The following CSNK1G1 variants were observed in gnomAD, a reference collection of about 807,000 sequenced individuals.
The protein encoded by CSNK1G1 is casein kinase 1 gamma 1, also known as casein kinase I isoform gamma-1.
Under a neutral mutation model 59.6 loss-of-function variants are expected in CSNK1G1, and 22 were observed. That is an observed-to-expected ratio of 0.37 (90% CI 0.26 to 0.53). The LOEUF is 0.53. Ranked by LOEUF, CSNK1G1 falls within the 20% of genes least tolerant of loss-of-function variation. The pLI is 0.89. For missense variants in CSNK1G1, 384 were observed against 519.5 expected (o/e 0.74, Z 2.54); for synonymous variants, 179 against 177.1 (o/e 1.01, Z -0.08).
At chr15:64,309,309 AACACACACACACACACACACACACAC>A (rs66467610) in intron 1 of CSNK1G1, among the ~76,000 whole-genome samples, 2 of 146,498 alleles carry the variant, frequency 1.4e-5, no homozygotes, top group South Asian at 2.2e-4. Flanking sequence ...TAGTGAATAA[AACACACACACACACACACACACACAC>A]ACACACACAC....
At chr15:64,238,224 G>C (rs969212184) in intron 4 of CSNK1G1, among the ~76,000 whole-genome samples, 1 of 151,782 alleles carries the variant, frequency 6.6e-6, no homozygotes, top group African/African-American at 2.4e-5. Context: ...ATAATGTGTG[G>C]ATGGCTCTAG....
intron 11 of CSNK1G1, among the ~76,000 whole-genome samples, chr15:64,178,788 T>TTGTG (rs142872852): frequency 2.7e-5 from 4 of 149,910 alleles, no homozygotes; most frequent in African/African-American, 9.8e-5. Flanking sequence ...CCAAAAACTT[T>TTGTG]TGTGTGTGTG....
intron 4 of CSNK1G1, among the ~76,000 whole-genome samples, chr15:64,230,960 C>A (rs147708244): frequency 3.3e-5 from 5 of 151,386 alleles, no homozygotes; most frequent in Non-Finnish European, 7.4e-5. Context: ...GGTGACAGAG[C>A]GAGAATCCGT....
intron 2 of CSNK1G1, among the ~76,000 whole-genome samples, chr15:64,293,766 T>C (rs1894866504): frequency 6.6e-6 from 1 of 151,872 alleles, no homozygotes; most frequent in South Asian, 2.1e-4. Context: ...CTCACAGGAG[T>C]GCAAACCCTA....
chr15:64,187,567 A>G (rs1454077034), intron 10 of CSNK1G1, among the ~76,000 whole-genome samples: 1 of 152,178 alleles, frequency 6.6e-6, no homozygotes, highest in Non-Finnish European at 1.5e-5. Context: ...TCAAGCTGTG[A>G]TTAAGATCTT....
chr15:64,309,309 A>AACACAC lies in CSNK1G1; in HGVS notation c.-224-8592_-224-8587dup, dbSNP rs66467610. 2.7e-3 allele frequency among the ~76,000 whole-genome samples: 390 copies of AACACAC among 146,486 alleles called. 4 individuals are homozygous for AACACAC. Among genetic ancestry groups the AACACAC allele is most frequent in the African/African-American group, 8.5e-3 (336 of 39,432 alleles). ...AAGTTCTCAAATACTTAGTGAATAA[A>AACACAC]ACACACACACACACACACACACACA... is the stretch of plus-strand genomic sequence containing the variant. On this transcript the variant is annotated intron_variant, in intron 1 of 11. Transcript: ENST00000303052.
intron 1 of CSNK1G1, among the ~76,000 whole-genome samples, chr15:64,346,499 C>T (rs1013313681): frequency 4.7e-5 from 7 of 150,126 alleles, no homozygotes; most frequent in East Asian, 2.0e-4. Flanking sequence ...CTCTTGTTGC[C>T]CAGACAGGAG....
chr15:64,254,214 C>T (rs553593227), intron 3 of CSNK1G1, among the ~76,000 whole-genome samples: 1 of 151,276 alleles, frequency 6.6e-6, no homozygotes, highest in Admixed American at 6.6e-5. Context: ...ATGGTGGTTG[C>T]CAAGGGGTTG....
intron 1 of CSNK1G1, among the ~76,000 whole-genome samples, chr15:64,327,222 G>A (rs544623540): frequency 3.3e-5 from 5 of 152,160 alleles, no homozygotes; most frequent in African/African-American, 7.2e-5. Flanking sequence ...CTGGGGGCAC[G>A]GCACAGACAA....
intron 1 of CSNK1G1, among the ~76,000 whole-genome samples, chr15:64,352,444 C>CTTTTTT (rs1566958692): frequency 1.3e-5 from 1 of 79,922 alleles, no homozygotes; most frequent in African/African-American, 4.2e-5. Context: ...AATTTGAATT[C>CTTTTTT]TTCTTTTTTT....
chr15:64,279,788 A>G (rs1384542959), intron 2 of CSNK1G1, among the ~76,000 whole-genome samples: 1 of 152,092 alleles, frequency 6.6e-6, no homozygotes, highest in Non-Finnish European at 1.5e-5. Context: ...CCTGGCCAAC[A>G]TAGTGAAATC....
intron 4 of CSNK1G1, among the ~76,000 whole-genome samples, chr15:64,234,648 G>A (rs1049143036): frequency 1.3e-5 from 2 of 152,180 alleles, no homozygotes; most frequent in Admixed American, 6.5e-5. Context: ...ATGTCTCAAG[G>A]CAAAATGGCT....
chr15:64,236,557 T>G (rs1344924793), intron 4 of CSNK1G1, among the ~76,000 whole-genome samples: 1 of 152,206 alleles, frequency 6.6e-6, no homozygotes, highest in Non-Finnish European at 1.5e-5. Flanking sequence ...ACATTAGTAC[T>G]CATTAAAGAA....
At chr15:64,242,518 G>T (rs1566916163) in intron 4 of CSNK1G1, among the ~76,000 whole-genome samples, 1 of 152,076 alleles carries the variant, frequency 6.6e-6, no homozygotes, top group Admixed American at 6.6e-5. Flanking sequence ...CAGATGCCTG[G>T]TGCCACACTT....
At chr15:64,305,582 G>T (rs981288327) in intron 1 of CSNK1G1, among the ~76,000 whole-genome samples, 1 of 151,612 alleles carries the variant, frequency 6.6e-6, no homozygotes, top group African/African-American at 2.4e-5. Context: ...GGCCGGGCAA[G>T]GTGGTATACA....
chr15:64,180,740 GTTT>G (rs765483728), intron 10 of CSNK1G1, among the ~76,000 whole-genome samples: 1 of 152,142 alleles, frequency 6.6e-6, no homozygotes, highest in Non-Finnish European at 1.5e-5. Context: ...TATGAAATAG[GTTT>G]TTTTACAGAT....
At chr15:64,316,762 T>C (rs1411494651) in intron 1 of CSNK1G1, 3 of 152,126 alleles carry the variant, frequency 2.0e-5, no homozygotes, top group Non-Finnish European at 2.9e-5. Flanking sequence ...GTGTTATCTA[T>C]AGATTCCAGA....
chr15:64,183,549 A>G (rs995122979), intron 10 of CSNK1G1, among the ~76,000 whole-genome samples: 3 of 152,226 alleles, frequency 2.0e-5, no homozygotes, highest in African/African-American at 7.2e-5. Flanking sequence ...TTGTTCTACC[A>G]TTAACATCCT....
intron 11 of CSNK1G1, 68 bp downstream of exon 11, chr15:64,180,280 C>G: frequency 2.6e-6 from 3 of 1,132,428 alleles, no homozygotes; most frequent in Non-Finnish European, 4.0e-6. Context: ...GAGCAGCACA[C>G]AGAGAGGAAG....
Sources: gnomAD v4.1 joint callset for allele counts (sites outside exome capture counted in the v4.1 genomes callset) on GRCh38, gnomAD v4.1.1 for gene constraint, MANE v1.5 for transcripts, NCBI Gene and HGNC (gene_info 2026-07-23, HGNC 2026-07-21) for gene names.